Variants in STK24 observed in about 807,000 individuals in gnomAD.
STK24 encodes the protein serine/threonine-protein kinase 24.
Under a neutral mutation model 55.6 loss-of-function variants are expected in STK24, and 21 were observed. The ratio of observed to expected loss-of-function variants is 0.38; its 90% CI spans 0.27 to 0.54. The LOEUF (loss-of-function observed/expected upper bound fraction) is 0.54, where lower values mean the gene tolerates loss of function less well. Ranked by LOEUF, STK24 falls within the 20% of genes least tolerant of loss-of-function variation. The pLI is 0.79. For missense variants in STK24, 383 were observed against 538.4 expected (o/e 0.71, Z 2.86); for synonymous variants, 200 against 215.2 (o/e 0.93, Z 0.62).
chr13:98,458,103 A>G (rs1454940428), intron 9 of STK24, among the ~76,000 whole-genome samples: 1 of 152,182 alleles, frequency 6.6e-6, no homozygotes, highest in Non-Finnish European at 1.5e-5. Flanking sequence ...GATTTCATGT[A>G]AATAAGTGGC....
intron 1 of STK24, among the ~76,000 whole-genome samples, chr13:98,565,315 T>C (rs1897536038): frequency 6.6e-6 from 1 of 151,572 alleles, no homozygotes; most frequent in African/African-American, 2.4e-5. Flanking sequence ...CCCCTCCAGG[T>C]GACACTGAGT....
intron 1 of STK24, among the ~76,000 whole-genome samples, chr13:98,544,240 G>C (rs1013632928): frequency 2.6e-5 from 4 of 152,234 alleles, no homozygotes; most frequent in Non-Finnish European, 5.9e-5. Context: ...GAACACAGCA[G>C]GACCTTAGGC....
At chr13:98,571,829 T>A (rs543368195) in intron 1 of STK24, among the ~76,000 whole-genome samples, 1 of 152,172 alleles carries the variant, frequency 6.6e-6, no homozygotes, top group Admixed American at 6.5e-5. Flanking sequence ...CCACTTAGGC[T>A]GTCCTACTGA....
intron 2 of STK24, among the ~76,000 whole-genome samples, chr13:98,491,402 C>T (rs1238882918): frequency 2.0e-5 from 3 of 152,192 alleles, no homozygotes; most frequent in East Asian, 1.9e-4. Context: ...AAGCAAGGAA[C>T]GTTTTCTTGT....
intron 1 of STK24, among the ~76,000 whole-genome samples, chr13:98,559,002 TAAAAAAAA>T (rs60756124): frequency 2.6e-4 from 11 of 43,030 alleles, no homozygotes; most frequent in African/African-American, 1.0e-3. Context: ...CTGTCTCTAC[TAAAAAAAA>T]AAAAAAAAAA....
chr13:98,497,954 G>C (rs1895309093), intron 2 of STK24, among the ~76,000 whole-genome samples: 2 of 152,320 alleles, frequency 1.3e-5, no homozygotes, highest in South Asian at 4.1e-4. Context: ...ACTCACTTCA[G>C]GGAGTCCCAA....
chr13:98,529,642 T>C (rs1312182327), intron 1 of STK24, among the ~76,000 whole-genome samples: 1 of 152,092 alleles, frequency 6.6e-6, no homozygotes, highest in East Asian at 1.9e-4. Context: ...ATTTGACTGG[T>C]GGAGAATAGA....
chr13:98,525,932 A>G (rs560007014), intron 1 of STK24, among the ~76,000 whole-genome samples: 86 of 152,314 alleles, frequency 5.6e-4, no homozygotes, highest in African/African-American at 2.0e-3. Context: ...AATCCCCCCA[A>G]GAATTTTAAC....
intron 2 of STK24, among the ~76,000 whole-genome samples, chr13:98,508,434 A>AT (rs1353236570): frequency 6.6e-6 from 1 of 152,236 alleles, no homozygotes; most frequent in Non-Finnish European, 1.5e-5. Flanking sequence ...CAGCAAGAGT[A>AT]TTTGCCTACA....
intron 1 of STK24, among the ~76,000 whole-genome samples, chr13:98,544,357 C>T (rs762767714): frequency 5.9e-5 from 9 of 152,376 alleles, no homozygotes; most frequent in Non-Finnish European, 1.0e-4. Flanking sequence ...GGCATCTCCA[C>T]TTCCCTAACC....
At position 98,447,806 on chromosome 13, in the gene STK24, C is replaced by G. The variant is rs1451814513; in HGVS notation, c.*5367G>C. ...GCTACAGTGGGCGATAACTGCACCA[C>G]TGAACTCCAGTATGAGTGACAGAGC... On this transcript the variant is annotated 3_prime_UTR_variant, in exon 11 of 11. Transcript: ENST00000539966. 1 of 171,580 alleles carries G rather than the reference C, an allele frequency of 5.8e-6. No homozygotes were observed. Among genetic ancestry groups the G allele is most frequent in the Non-Finnish European group, 1.2e-5 (1 of 80,720 alleles). The allele number at this position is 171,580 out of a possible 1,614,324, so 10.6% of individuals were successfully genotyped here.
chr13:98,510,087 G>T (rs569915764), intron 2 of STK24, among the ~76,000 whole-genome samples: 1 of 152,084 alleles, frequency 6.6e-6, no homozygotes, highest in East Asian at 1.9e-4. Flanking sequence ...GATGGTGTAC[G>T]GACTCTGTAC....
At chr13:98,529,109 C>A (rs574152542) in intron 1 of STK24, among the ~76,000 whole-genome samples, 2 of 152,298 alleles carry the variant, frequency 1.3e-5, no homozygotes, top group African/African-American at 4.8e-5. Flanking sequence ...GGCGCTACCA[C>A]CCACAGACCC....
At chr13:98,462,505 G>T (rs370421427) in intron 7 of STK24, among the ~76,000 whole-genome samples, 5 of 152,186 alleles carry the variant, frequency 3.3e-5, no homozygotes. Context: ...CCTGATGCCT[G>T]TGGCCCCATT....
intron 1 of STK24, among the ~76,000 whole-genome samples, chr13:98,536,086 G>T (rs1896725843): frequency 6.6e-6 from 1 of 152,176 alleles, no homozygotes; most frequent in South Asian, 2.1e-4. Flanking sequence ...TGGAATGGAG[G>T]TGCGAAGGTC....
intron 1 of STK24, among the ~76,000 whole-genome samples, chr13:98,555,031 A>AAAAAAAAAAG (rs1555312204): frequency 7.0e-6 from 1 of 143,670 alleles, no homozygotes; most frequent in Non-Finnish European, 1.5e-5. Flanking sequence ...AAAAAAAAAA[A>AAAAAAAAAAG]AAAGAAAGAA....
intron 2 of STK24, among the ~76,000 whole-genome samples, chr13:98,518,511 G>A (rs1052994056): frequency 8.5e-5 from 13 of 152,078 alleles, no homozygotes; most frequent in African/African-American, 2.9e-4. Flanking sequence ...CCATTTTAAA[G>A]GTTACAACAT....
At position 98,449,809 on chromosome 13, in the gene STK24, G is replaced by A. The variant is rs202226302; in HGVS notation, c.*3364C>T. ...AGTCTTCATTTTCTGTGTGGGGGGG[G>A]AGGGGGGAAGGGGACACTCCAGCAA... is the stretch of plus-strand genomic sequence containing the variant. On this transcript the variant is annotated 3_prime_UTR_variant, in exon 11 of 11. Transcript: ENST00000539966. 6.7e-6 allele frequency: 1 copy of A among 149,936 alleles called. No homozygotes were observed. 9.3% of individuals were successfully genotyped at this position (149,936 alleles called of 1,614,324 possible).
chr13:98,529,751 T>TCCTAACAC (rs1768774926), intron 1 of STK24, among the ~76,000 whole-genome samples: 1 of 151,544 alleles, frequency 6.6e-6, no homozygotes, highest in African/African-American at 2.4e-5. Flanking sequence ...GTGGTTGGGG[T>TCCTAACAC]CCTAACACGA....
Sources: allele counts gnomAD v4.1 joint callset (sites outside exome capture counted in the v4.1 genomes callset), GRCh38; gene constraint gnomAD v4.1.1; transcripts MANE v1.5; gene names NCBI Gene and HGNC (gene_info 2026-07-23, HGNC 2026-07-21).